Variants in RAB3GAP2 observed in about 807,000 individuals in gnomAD.
RAB3GAP2 encodes rab3 GTPase-activating protein non-catalytic subunit.
RAB3GAP2 carries 87 observed loss-of-function variants against 185.3 expected under a neutral mutation model. The observed-to-expected ratio is 0.47, with a 90% confidence interval of 0.39 to 0.56. RAB3GAP2 has a LOEUF of 0.56. Ranked by LOEUF, RAB3GAP2 falls within the 20% of genes least tolerant of loss-of-function variation. The pLI is 0.00. For synonymous variants in RAB3GAP2, 554 were observed against 576.1 expected (o/e 0.96, Z 0.55); for missense variants, 1,492 against 1,638.2 (o/e 0.91, Z 1.54).
In RAB3GAP2 at chr1:220,150,451, CTTTTTTTTTT is replaced by C. The variant is rs35147354; in HGVS notation, c.*790_*799del. The C allele has an allele frequency of 8.0e-6, 1 of 125,520 alleles. No individual in the cohort carries two copies. Among genetic ancestry groups the C allele is most frequent in the Non-Finnish European group, 1.7e-5 (1 of 58,302 alleles). 7.8% of individuals were successfully genotyped at this position (125,520 alleles called of 1,614,324 possible). A position where few individuals can be genotyped will look rare whatever the true frequency, so the allele number is the denominator to read the frequency against. On this transcript the variant is annotated 3_prime_UTR_variant, in exon 35 of 35. Transcript: ENST00000358951. Reference sequence around the variant, plus strand: ...GACTTAAAATTTTTAGTATCTTTGCCTTTTTTTTTTTTTTTTTTTTACATAAGTTTTACAA... The same window carrying C: ...GACTTAAAATTTTTAGTATCTTTGCCTTTTTTTTTTACATAAGTTTTACAA...
At chr1:220,175,902 T>A (rs1475503090) in intron 21 of RAB3GAP2, among the ~76,000 whole-genome samples, 1 of 152,192 alleles carries the variant, frequency 6.6e-6, no homozygotes, top group Non-Finnish European at 1.5e-5. Flanking sequence ...TTCCAAACAG[T>A]CAAGCTTTTG....
chr1:220,253,958 C>G, intron 1 of RAB3GAP2: 3 of 1,613,618 alleles, frequency 1.9e-6, no homozygotes, highest in Non-Finnish European at 2.5e-6. Flanking sequence ...AGTGAGACCC[C>G]TCAGCCTCCT....
rs1571941385 is a variant in RAB3GAP2 at position 220,272,366 on chromosome 1, A to C, written c.-29T>G. On this transcript the variant is annotated 5_prime_UTR_variant, in exon 1 of 35. Transcript: ENST00000358951. ...TCCAGGGAACCCCACTACGGCACTC[A>C]CCTTACCTCACCACGCCCTGCCCCC... The C allele has an allele frequency of 2.0e-6, 3 of 1,503,280 alleles. No homozygotes were observed. The highest frequency in any genetic ancestry group is 2.8e-6 in the Non-Finnish European group (3 of 1,090,348). The allele number at this position is 1,503,280 out of a possible 1,614,324, so 93.1% of individuals were successfully genotyped here. A position where few individuals can be genotyped will look rare whatever the true frequency, so the allele number is the denominator to read the frequency against.
chr1:220,191,128 T>C lies in RAB3GAP2; in HGVS notation c.1427A>G (p.Glu476Gly). The change falls in exon 14 of 35, where the codon GAA (glutamate) becomes GGA (glycine). Residue 476 changes from glutamate (E) to glycine (G), a missense_variant. Transcript: ENST00000358951. ...VIYAPRRGIL[E>G]VWSTQQGPRV... ...AGGTCCCTGCTGTGTGCTCCACACT[T>C]CTAAAATTCCCCTTCTTGGCGCATA... The C allele has an allele frequency of 1.2e-6, 2 of 1,614,016 alleles. No homozygotes were observed. The highest frequency in any genetic ancestry group is 1.7e-6 in the Non-Finnish European group (2 of 1,179,956).
intron 2 of RAB3GAP2, among the ~76,000 whole-genome samples, chr1:220,216,464 G>A (rs1015513944): frequency 6.6e-6 from 1 of 152,132 alleles, no homozygotes; most frequent in African/African-American, 2.4e-5. Flanking sequence ...CACTCCTCAT[G>A]ATGGCTTGCT....
intron 1 of RAB3GAP2, among the ~76,000 whole-genome samples, chr1:220,259,551 C>T (rs143718110): frequency 3.9e-5 from 6 of 152,066 alleles, no homozygotes; most frequent in East Asian, 1.9e-4. Flanking sequence ...TGCAGATCAT[C>T]GAAACTGGAC....
intron 2 of RAB3GAP2, among the ~76,000 whole-genome samples, chr1:220,224,026 A>G (rs993498356): frequency 4.0e-5 from 6 of 151,394 alleles, no homozygotes; most frequent in African/African-American, 1.2e-4. Context: ...AAAAAAAAAA[A>G]AGAGGAAAAT....
In RAB3GAP2 at chr1:220,151,237, C is replaced by A; in HGVS notation, c.*14G>T. On this transcript the variant is annotated 3_prime_UTR_variant, in exon 35 of 35. Transcript: ENST00000358951. ...TTATAATCATAATTTTAGACTATTT[C>A]CAGTAGGTAAGTGTCATAAAGAAGG... 1.2e-6 allele frequency: 2 copies of A among 1,610,752 alleles called. No homozygotes were observed. The highest frequency in any genetic ancestry group is 1.7e-6 in the Non-Finnish European group (2 of 1,177,444).
chr1:220,199,986 G>A (rs901499912), intron 9 of RAB3GAP2, among the ~76,000 whole-genome samples: 3 of 152,062 alleles, frequency 2.0e-5, no homozygotes, highest in Non-Finnish European at 4.4e-5. Flanking sequence ...CCCCTACTTA[G>A]AATCCATCAG....
At chr1:220,265,322 A>G (rs1414117632) in intron 1 of RAB3GAP2, among the ~76,000 whole-genome samples, 1 of 152,038 alleles carries the variant, frequency 6.6e-6, no homozygotes, top group East Asian at 2.0e-4. Context: ...AATTCCCTAC[A>G]TGCTTTATAT....
chr1:220,209,450 G>A (rs1223199823), intron 7 of RAB3GAP2, among the ~76,000 whole-genome samples: 1 of 152,004 alleles, frequency 6.6e-6, no homozygotes, highest in African/African-American at 2.4e-5. Flanking sequence ...AAGGTTTAAT[G>A]CAAATCTCGC....
At position 220,148,623 on chromosome 1, in the gene RAB3GAP2, C is replaced by T. The variant is rs1553272528; in HGVS notation, c.*2628G>A. 1 of 152,128 alleles carries T rather than the reference C, an allele frequency of 6.6e-6. No individual in the cohort carries two copies. The highest frequency in any genetic ancestry group is 2.1e-4 in the South Asian group (1 of 4,832). 9.4% of individuals were successfully genotyped at this position (152,128 alleles called of 1,614,324 possible). A position where few individuals can be genotyped will look rare whatever the true frequency, so the allele number is the denominator to read the frequency against. Reference sequence around the variant, plus strand: ...TGAACATTATATTCAGTGTAAGTCTCATATTATTAAATTTCAGATTTTTGA... The same window carrying T: ...TGAACATTATATTCAGTGTAAGTCTTATATTATTAAATTTCAGATTTTTGA... On this transcript the variant is annotated 3_prime_UTR_variant, in exon 35 of 35. Coordinates refer to ENST00000358951, the MANE Select transcript of RAB3GAP2 (RefSeq NM_012414.4).
At chr1:220,229,020 T>A (rs141575630) in intron 2 of RAB3GAP2, among the ~76,000 whole-genome samples, 1 of 152,344 alleles carries the variant, frequency 6.6e-6, no homozygotes, top group African/African-American at 2.4e-5. Flanking sequence ...TCCCTGGAGA[T>A]CCCTCGATTT....
In RAB3GAP2 at chr1:220,158,536, G is replaced by T. The variant is rs572440307; in HGVS notation, c.3262-660C>A. Among the ~76,000 whole-genome samples, 59 of 152,080 alleles carry T rather than the reference G, an allele frequency of 3.9e-4. No homozygotes were observed. Among genetic ancestry groups the T allele is most frequent in the African/African-American group, 1.4e-3 (57 of 41,458 alleles). On this transcript the variant is annotated intron_variant, in intron 29 of 34. Transcript: ENST00000358951. The surrounding 1 kb of genome is among the most constrained non-coding windows in gnomAD (Gnocchi z 4.3). ...GCTCACTGCAACCTCCACCTCCCAG[G>T]TTCAAGCGATTATCCTGCCTCAGCC...
intron 1 of RAB3GAP2, among the ~76,000 whole-genome samples, chr1:220,253,376 G>C (rs1162973628): frequency 1.3e-5 from 2 of 152,178 alleles, no homozygotes; most frequent in South Asian, 2.1e-4. Flanking sequence ...AGGCAACTGG[G>C]GTCTGGAGCA....
At chr1:220,241,173 T>A (rs1044006207) in intron 1 of RAB3GAP2, among the ~76,000 whole-genome samples, 1 of 152,098 alleles carries the variant, frequency 6.6e-6, no homozygotes, top group South Asian at 2.1e-4. Flanking sequence ...AAATACATTA[T>A]CCTAATTTGC....
At chr1:220,202,219 C>G in intron 9 of RAB3GAP2, 57 bp downstream of exon 9, 1 of 1,558,154 alleles carries the variant, frequency 6.4e-7, no homozygotes, top group Non-Finnish European at 8.7e-7. Flanking sequence ...AAATGAGATA[C>G]TTCAATAAAA....
intron 1 of RAB3GAP2, among the ~76,000 whole-genome samples, chr1:220,235,332 A>C (rs1219620694): frequency 6.6e-6 from 1 of 152,178 alleles, no homozygotes; most frequent in Non-Finnish European, 1.5e-5. Context: ...CAATTGTCTT[A>C]TTGTGAGTTT....
chr1:220,266,487 C>T, intron 1 of RAB3GAP2: 2 of 567,058 alleles, frequency 3.5e-6, no homozygotes, highest in Non-Finnish European at 3.2e-6. Context: ...GTATAAGTAG[C>T]ACAATTCTCG....
Sources: gnomAD v4.1 joint callset for allele counts (sites outside exome capture counted in the v4.1 genomes callset) on GRCh38, gnomAD v4.1.1 for gene constraint, Gnocchi (gnomAD v3.1) non-coding constraint, MANE v1.5 for transcripts, NCBI Gene and HGNC (gene_info 2026-07-23, HGNC 2026-07-21) for gene names.